The following TASP1 variants were observed in gnomAD, a reference collection of about 807,000 sequenced individuals.
The protein encoded by TASP1 is taspase 1.
In TASP1, 16 loss-of-function variants were observed where a neutral mutation model predicts 56.6. The ratio of observed to expected loss-of-function variants is 0.28; its 90% CI spans 0.19 to 0.43. The LOEUF (loss-of-function observed/expected upper bound fraction) is 0.43, where lower values mean the gene tolerates loss of function less well. Among genes scored for constraint, TASP1 ranks in the 20% least tolerant of loss-of-function variants. The pLI is 1.00. For synonymous variants in TASP1, 179 were observed against 184.2 expected (o/e 0.97, Z 0.23); for missense variants, 393 against 511.6 (o/e 0.77, Z 2.24).
At chr20:13,329,194 T>C in the TASP1 span, among the ~76,000 whole-genome samples, 1 of 152,066 alleles carries the variant, frequency 6.6e-6, no homozygotes, top group Admixed American at 6.6e-5. Context: ...GCCAAAAAAA[T>C]TTATATGTTG....
the TASP1 span, among the ~76,000 whole-genome samples, chr20:13,260,906 A>C: frequency 6.6e-6 from 1 of 152,178 alleles, no homozygotes; most frequent in Non-Finnish European, 1.5e-5. Flanking sequence ...TGGATGGTCT[A>C]GGACAGTCTC....
chr20:13,245,138 G>A, the TASP1 span: 5 of 152,174 alleles, frequency 3.3e-5, no homozygotes, highest in Admixed American at 3.3e-4. Flanking sequence ...ATCTATTGCT[G>A]TATAACAAAT....
chr20:13,299,373 C>T, the TASP1 span: 3 of 1,613,702 alleles, frequency 1.9e-6, no homozygotes, highest in South Asian at 1.1e-5. This position sits in a 1 kb window ranked among gnomAD's most constrained non-coding sequence, Gnocchi z 5.8. Context: ...TAACGAGGCC[C>T]GGCCTCCCAA....
the TASP1 span, among the ~76,000 whole-genome samples, chr20:13,171,283 C>T: frequency 1.3e-5 from 2 of 152,082 alleles, no homozygotes; most frequent in Non-Finnish European, 2.9e-5. Context: ...ATCATAGCCA[C>T]AAATTATAAG....
chr20:13,359,887 G>A, the TASP1 span, among the ~76,000 whole-genome samples: 35,506 of 146,696 alleles, frequency 0.24, 5,616 homozygotes, highest in African/African-American at 0.46. Flanking sequence ...CTCCTTGGCG[G>A]CCGATCATGC....
chr20:13,110,853 A>G, the TASP1 span, among the ~76,000 whole-genome samples: 4 of 152,140 alleles, frequency 2.6e-5, no homozygotes, highest in Non-Finnish European at 5.9e-5. Context: ...TGAGGGGGAT[A>G]TCTCCTATAA....
At chr20:13,330,257 G>C in the TASP1 span, among the ~76,000 whole-genome samples, 1 of 152,080 alleles carries the variant, frequency 6.6e-6, no homozygotes, top group African/African-American at 2.4e-5. Context: ...GCCTGGCTGT[G>C]TTTGTCAAAT....
chr20:13,120,357 C>A, the TASP1 span, among the ~76,000 whole-genome samples: 1 of 152,036 alleles, frequency 6.6e-6, no homozygotes, highest in Non-Finnish European at 1.5e-5. Flanking sequence ...CAAAATTGAA[C>A]ATAAAAAAAG....
Position 13,566,101 on chromosome 20 carries a change from TA to T in TASP1, c.568+3405del, listed in dbSNP as rs377430800. The stretch of plus-strand genomic sequence containing the variant: ...AATAAGCCAATTACAAAAGGACAAG[TA>T]CTCTATGATTCCACTTATAAAAGCA... On this transcript the variant is annotated intron_variant, in intron 7 of 13. Coordinates refer to ENST00000337743, the MANE Select transcript of TASP1 (RefSeq NM_017714.3). 4.6e-3 allele frequency among the ~76,000 whole-genome samples: 705 copies of T among 152,206 alleles called. 4 individuals are homozygous for T. Among genetic ancestry groups the T allele is most frequent in the African/African-American group, 0.015 (631 of 41,548 alleles).
At chr20:13,572,544 G>A (rs2046753848) in intron 6 of TASP1, among the ~76,000 whole-genome samples, 1 of 151,976 alleles carries the variant, frequency 6.6e-6, no homozygotes, top group Admixed American at 6.6e-5. Context: ...AAATATGCCG[G>A]GTGTGATGGC....
Position 13,435,140 on chromosome 20 carries a change from C to T in TASP1, c.1000G>A (p.Ala334Thr). The T allele has an allele frequency of 6.2e-7, 1 of 1,605,038 alleles. No individual in the cohort carries two copies. ...CCGCCAAGCACGCCATCTTCACTGG[C>T]AAGGAAAGGTGAACCTAGGCAGAAA... is the stretch of plus-strand genomic sequence containing the variant. ...QNKFISSPFL[A>T]SEDGVLGGVI... The change falls in exon 12 of 14, where the codon GCC (alanine) becomes ACC (threonine). Residue 334 changes from alanine (A) to threonine (T), a missense_variant. By Grantham distance (58) the Ala-to-Thr change is moderately conservative. Around this residue, in one of 3 missense-constraint regions of TASP1, gnomAD observed 293 missense variants for 354.2 expected, o/e 0.83. Coordinates refer to ENST00000337743, the MANE Select transcript of TASP1 (RefSeq NM_017714.3).
chr20:13,333,564 C>G, the TASP1 span, among the ~76,000 whole-genome samples: 1 of 151,264 alleles, frequency 6.6e-6, no homozygotes, highest in African/African-American at 2.4e-5. Context: ...ACACTGCCTT[C>G]TTTTAAAATG....
intron 13 of TASP1, among the ~76,000 whole-genome samples, chr20:13,390,863 A>T (rs2041245634): frequency 6.6e-6 from 1 of 152,252 alleles, no homozygotes; most frequent in Non-Finnish European, 1.5e-5. Context: ...AGGATACTTA[A>T]TTCATGTTTA....
chr20:13,457,147 G>C (rs2043873415), intron 11 of TASP1, among the ~76,000 whole-genome samples: 1 of 152,050 alleles, frequency 6.6e-6, no homozygotes, highest in South Asian at 2.1e-4. Flanking sequence ...GGGAGGGATA[G>C]CATTAGGAGA....
chr20:13,520,827 T>A (rs1212723175), intron 10 of TASP1, among the ~76,000 whole-genome samples: 5 of 151,912 alleles, frequency 3.3e-5, no homozygotes, highest in Non-Finnish European at 7.4e-5. Flanking sequence ...ACTATCAGAG[T>A]GAACAGGCAA....
chr20:13,221,212 CCCTCCTACTCCTCCT>C, the TASP1 span, among the ~76,000 whole-genome samples: 5 of 78,968 alleles, frequency 6.3e-5, no homozygotes, highest in Non-Finnish European at 8.8e-5. Flanking sequence ...GCAGCTGAAG[CCCTCCTACTCCTCCT>C]CCTCCTCCTC....
chr20:13,298,934 T>G, the TASP1 span: 1 of 1,611,108 alleles, frequency 6.2e-7, no homozygotes, highest in Non-Finnish European at 8.5e-7. Context: ...CTCTTTGGCC[T>G]TTTCCAGACA....
At chr20:13,157,663 A>G in the TASP1 span, among the ~76,000 whole-genome samples, 1 of 151,534 alleles carries the variant, frequency 6.6e-6, no homozygotes, top group Admixed American at 6.6e-5. Context: ...CACTACAAAC[A>G]GAAAAAAAAA....
chr20:13,360,745 G>T, the TASP1 span, among the ~76,000 whole-genome samples: 1 of 152,062 alleles, frequency 6.6e-6, no homozygotes, highest in East Asian at 1.9e-4. Flanking sequence ...TCCTTCAGCT[G>T]TACTCACTCC....
Sources: gnomAD v4.1 joint callset for allele counts (sites outside exome capture counted in the v4.1 genomes callset) on GRCh38, gnomAD v4.1.1 for gene constraint, gnomAD v4.1.1 regional missense constraint, Gnocchi (gnomAD v3.1) non-coding constraint, MANE v1.5 for transcripts, NCBI Gene and HGNC (gene_info 2026-07-23, HGNC 2026-07-21) for gene names.